TM9SF2: variants seen among roughly 807,000 people sequenced by gnomAD.
The protein encoded by TM9SF2 is transmembrane 9 superfamily member 2, also known as 76 kDa membrane protein.
In TM9SF2, 13 loss-of-function variants were observed where a neutral mutation model predicts 84.9. The ratio of observed to expected loss-of-function variants is 0.15; its 90% CI spans 0.10 to 0.24. The LOEUF is 0.24. Ranked by LOEUF, TM9SF2 falls within the 10% of genes least tolerant of loss-of-function variation. The probability of loss-of-function intolerance (pLI) is 1.00; values close to 1 mark genes in which losing one functional copy is unlikely to be tolerated. For synonymous variants in TM9SF2, 273 were observed against 285.8 expected (o/e 0.96, Z 0.45); for missense variants, 562 against 818.5 (o/e 0.69, Z 3.82).
In TM9SF2 at chr13:99,539,463, T is replaced by C. The variant is rs1231962190; in HGVS notation, c.734T>C (p.Ile245Thr). 1 of 1,612,586 alleles carries C rather than the reference T, an allele frequency of 6.2e-7. No individual in the cohort carries two copies. Among genetic ancestry groups the C allele is most frequent in the Non-Finnish European group, 8.5e-7 (1 of 1,178,640 alleles). The change falls in exon 7 of 17, where the codon ATA (isoleucine) becomes ACA (threonine). Residue 245 changes from isoleucine to threonine, a missense_variant. Physicochemically the swap from Ile to Thr is moderately conservative, Grantham distance 89 (BLOSUM62 -1). This residue lies in a region of TM9SF2 where 267 missense variants were observed against 316.7 expected (regional missense o/e 0.84). Transcript: ENST00000376387. ...TCCCACAGCTTCAAACATACCCATA[T>C]AGATAAACCAGACTGCTCAGGGCCC... ...LEPKSFKHTH[I>T]DKPDCSGPPM...
chr13:99,549,959 T>G (rs1038557949), intron 12 of TM9SF2, among the ~76,000 whole-genome samples: 5 of 152,240 alleles, frequency 3.3e-5, no homozygotes, highest in African/African-American at 1.2e-4. Context: ...CACCGAAGAT[T>G]CACATTCTTC....
At chr13:99,524,174 G>A (rs533414655) in intron 3 of TM9SF2, among the ~76,000 whole-genome samples, 5 of 152,266 alleles carry the variant, frequency 3.3e-5, no homozygotes, top group South Asian at 4.1e-4. Flanking sequence ...AGTAGGCTTC[G>A]ATTTTACCAG....
At chr13:99,512,235 ATAGT>A (rs2046116441) in intron 1 of TM9SF2, among the ~76,000 whole-genome samples, 1 of 152,182 alleles carries the variant, frequency 6.6e-6, no homozygotes, top group Non-Finnish European at 1.5e-5. Flanking sequence ...ATTATTTGTT[ATAGT>A]TATTGTGTGC....
rs1456086081 is a variant in TM9SF2, at chr13:99,535,120, C to T, written c.462-1488C>T. On this transcript the variant is annotated intron_variant, in intron 4 of 16. Coordinates refer to ENST00000376387, the MANE Select transcript of TM9SF2 (RefSeq NM_004800.3). The stretch of plus-strand genomic sequence containing the variant: ...AAAGCCATGATCATGCTACTGCACT[C>T]CAGCCTGGGTGACAGAGCAAGACCC... Among the ~76,000 whole-genome samples, 4 of 152,232 alleles carry T rather than the reference C, an allele frequency of 2.6e-5. No homozygotes were observed. The South Asian group carries it at 6.2e-4, about 24-fold the overall frequency.
chr13:99,531,295 G>T (rs748694409), intron 4 of TM9SF2, among the ~76,000 whole-genome samples: 4 of 152,132 alleles, frequency 2.6e-5, no homozygotes, highest in Non-Finnish European at 4.4e-5. Flanking sequence ...GCCTTTTCTA[G>T]AAAGTGTAAG....
intron 15 of TM9SF2, among the ~76,000 whole-genome samples, chr13:99,557,228 C>T (rs1381420155): frequency 1.3e-5 from 2 of 152,102 alleles, no homozygotes; most frequent in South Asian, 2.1e-4. Flanking sequence ...TAGCTGTCTT[C>T]GTGGGTGTGA....
intron 4 of TM9SF2, among the ~76,000 whole-genome samples, chr13:99,535,206 T>G (rs2046228651): frequency 1.3e-5 from 2 of 152,196 alleles, no homozygotes; most frequent in Admixed American, 1.3e-4. Context: ...AAGGGATTTT[T>G]TTTTAAATGC....
chr13:99,512,378 A>G (rs1399387194), intron 1 of TM9SF2, among the ~76,000 whole-genome samples: 2 of 152,238 alleles, frequency 1.3e-5, no homozygotes, highest in African/African-American at 2.4e-5. Context: ...AAGTGAACCC[A>G]GCATTCTGAT....
intron 1 of TM9SF2, among the ~76,000 whole-genome samples, chr13:99,504,394 A>G (rs2046080101): frequency 1.3e-5 from 2 of 152,238 alleles, no homozygotes; most frequent in Non-Finnish European, 2.9e-5. Context: ...AGGGATAATC[A>G]TATTTGATTA....
intron 10 of TM9SF2, among the ~76,000 whole-genome samples, chr13:99,546,434 G>T (rs1379681601): frequency 6.6e-6 from 1 of 152,168 alleles, no homozygotes; most frequent in Non-Finnish European, 1.5e-5. Flanking sequence ...TAGGGCCAGG[G>T]TTTCCCCGTA....
rs34041487 is a variant in TM9SF2 at position 99,540,396 on chromosome 13, TAA to T, written c.829-303_829-302del. The T allele has an allele frequency of 5.5e-4, 75 of 137,070 alleles. No homozygotes were observed. The East Asian group carries it at 5.5e-3, about 10-fold the overall frequency. The allele number at this position is 137,070 out of a possible 1,614,324, so 8.5% of individuals were successfully genotyped here. A position where few individuals can be genotyped will look rare whatever the true frequency, so the allele number is the denominator to read the frequency against. ...ATTCCATTCCATTCCATTATTTTCT[TAA>T]AAAAAAAAAAAAAACCTACATATAG... On this transcript the variant is annotated intron_variant, in intron 7 of 16. Coordinates refer to ENST00000376387, the MANE Select transcript of TM9SF2 (RefSeq NM_004800.3).
chr13:99,527,947 C>T (rs1423087456), intron 3 of TM9SF2, among the ~76,000 whole-genome samples: 2 of 152,104 alleles, frequency 1.3e-5, no homozygotes, highest in Non-Finnish European at 2.9e-5. Context: ...TGACTCGTAC[C>T]CAGGTCTGAC....
At chr13:99,516,785 A>G (rs2139076502) in intron 1 of TM9SF2, among the ~76,000 whole-genome samples, 1 of 152,320 alleles carries the variant, frequency 6.6e-6, no homozygotes, top group South Asian at 2.1e-4. Flanking sequence ...AAGTTAGACC[A>G]TGTGGTCATT....
At chr13:99,529,175 A>G (rs1300826657) in intron 3 of TM9SF2, among the ~76,000 whole-genome samples, 1 of 152,208 alleles carries the variant, frequency 6.6e-6, no homozygotes, top group Non-Finnish European at 1.5e-5. Context: ...TTTTTGTTCT[A>G]CATGGGATTT....
intron 3 of TM9SF2, among the ~76,000 whole-genome samples, chr13:99,522,010 G>A (rs1037176615): frequency 2.6e-5 from 4 of 151,998 alleles, no homozygotes; most frequent in African/African-American, 4.8e-5. Flanking sequence ...GCCGTCTGAC[G>A]CCTTTCAAAT....
At chr13:99,502,105 A>T (rs2046068954) in intron 1 of TM9SF2, among the ~76,000 whole-genome samples, 1 of 152,114 alleles carries the variant, frequency 6.6e-6, no homozygotes, top group Non-Finnish European at 1.5e-5. Flanking sequence ...AGAGCTTTGG[A>T]GTTGGATGTA....
intron 14 of TM9SF2, 74 bp downstream of exon 14, chr13:99,554,529 G>A (rs1227042911): frequency 4.7e-5 from 68 of 1,444,866 alleles, no homozygotes; most frequent in Non-Finnish European, 5.6e-5. Context: ...GTTTATATGG[G>A]TTACTATTTG....
chr13:99,509,846 C>T (rs2046105700), intron 1 of TM9SF2, among the ~76,000 whole-genome samples: 1 of 152,136 alleles, frequency 6.6e-6, no homozygotes, highest in South Asian at 2.1e-4. Context: ...AATTTCTCTC[C>T]AGAAAAAACT....
At position 99,540,815 on chromosome 13, in the gene TM9SF2, G is replaced by A. The variant is rs576328777; in HGVS notation, c.908+22G>A. On this transcript the variant is annotated intron_variant, in intron 8 of 16. Transcript: ENST00000376387. ...TTAGGTAAGAGTACAGAGTTAGCCT[G>A]CTTTTGCTTTCTACTTTTCTACCCT... 747 of 1,598,698 alleles carry A rather than the reference G, an allele frequency of 4.7e-4. 6 individuals carry two copies. The South Asian group carries it at 6.1e-3, about 13-fold the overall frequency.
Sources: gnomAD v4.1 joint callset for allele counts (sites outside exome capture counted in the v4.1 genomes callset) on GRCh38, gnomAD v4.1.1 for gene constraint, gnomAD v4.1.1 regional missense constraint, MANE v1.5 for transcripts, NCBI Gene and HGNC (gene_info 2026-07-23, HGNC 2026-07-21) for gene names.